The following PALMD variants were observed in gnomAD, a reference collection of about 807,000 sequenced individuals.
PALMD encodes paralemmin-like protein.
PALMD carries 42 observed loss-of-function variants against 56.2 expected under a neutral mutation model. The ratio of observed to expected loss-of-function variants is 0.75; its 90% CI spans 0.58 to 0.97. The LOEUF is 0.97. PALMD is among the 50% of genes least tolerant of loss of function. The pLI is 0.00. For missense variants in PALMD, 660 were observed against 643.8 expected, an observed-to-expected ratio of 1.03 and a Z score of -0.27; for synonymous variants, 242 against 222.9, an observed-to-expected ratio of 1.09 and a Z score of -0.76.
At chr1:99,649,649 C>G (rs912818552) in intron 1 of PALMD, among the ~76,000 whole-genome samples, 3 of 152,184 alleles carry the variant, frequency 2.0e-5, no homozygotes, top group Non-Finnish European at 4.4e-5. Flanking sequence ...TCCGTATACT[C>G]TTAACATCTC....
intron 3 of PALMD, among the ~76,000 whole-genome samples, chr1:99,681,099 G>GTA (rs372930321): frequency 4.7e-4 from 28 of 59,810 alleles, no homozygotes; most frequent in African/African-American, 9.2e-4. Flanking sequence ...ATATGTGTGT[G>GTA]TATATATGTG....
At chr1:99,648,128 A>C (rs1265123670) in intron 1 of PALMD, among the ~76,000 whole-genome samples, 1 of 152,220 alleles carries the variant, frequency 6.6e-6, no homozygotes, top group South Asian at 2.1e-4. Context: ...GATTAAACAA[A>C]TCTCCCAAGT....
intron 1 of PALMD, among the ~76,000 whole-genome samples, chr1:99,650,705 G>A (rs1169941163): frequency 6.6e-6 from 1 of 152,152 alleles, no homozygotes; most frequent in Admixed American, 6.5e-5. Flanking sequence ...ATGTCAAGGT[G>A]GTGACAACAG....
intron 1 of PALMD, among the ~76,000 whole-genome samples, chr1:99,657,412 T>C (rs1185800772): frequency 6.6e-6 from 1 of 152,178 alleles, no homozygotes; most frequent in African/African-American, 2.4e-5. Context: ...TGTCATCAGT[T>C]GCCAAGTCCT....
intron 1 of PALMD, among the ~76,000 whole-genome samples, chr1:99,648,662 A>G (rs990494314): frequency 5.6e-5 from 8 of 142,606 alleles, no homozygotes; most frequent in African/African-American, 1.8e-4. Context: ...CTTTGGAGGA[A>G]AAAAAAAAAA....
intron 1 of PALMD, among the ~76,000 whole-genome samples, chr1:99,659,362 T>G (rs1006433665): frequency 1.3e-5 from 2 of 152,192 alleles, no homozygotes; most frequent in Non-Finnish European, 2.9e-5. Context: ...TGGCTAAAAA[T>G]CTAGGTAAAT....
intron 1 of PALMD, among the ~76,000 whole-genome samples, chr1:99,654,084 A>T (rs1652655716): frequency 1.3e-5 from 2 of 152,052 alleles, no homozygotes; most frequent in African/African-American, 2.4e-5. Flanking sequence ...AAGATAAAAA[A>T]GCATCACCCC....
intron 2 of PALMD, among the ~76,000 whole-genome samples, chr1:99,662,836 C>T (rs1484179456): frequency 2.0e-5 from 3 of 152,166 alleles, no homozygotes; most frequent in Non-Finnish European, 4.4e-5. Context: ...AAGTTCAGTG[C>T]AATGAGTCCA....
At chr1:99,647,601 T>C (rs1217445537) in intron 1 of PALMD, among the ~76,000 whole-genome samples, 1 of 152,242 alleles carries the variant, frequency 6.6e-6, no homozygotes, top group East Asian at 1.9e-4. Flanking sequence ...TTTTGTCCTT[T>C]TTTGTCATTA....
intron 3 of PALMD, among the ~76,000 whole-genome samples, chr1:99,671,072 C>G (rs8179273): frequency 0.069 from 10,569 of 152,236 alleles, 542 homozygotes; most frequent in Admixed American, 0.16. Context: ...GAGACCCACT[C>G]ACAATCCCTA....
At chr1:99,655,218 A>C (rs918771244) in intron 1 of PALMD, among the ~76,000 whole-genome samples, 3 of 152,186 alleles carry the variant, frequency 2.0e-5, no homozygotes, top group African/African-American at 4.8e-5. Flanking sequence ...ATGATGAATC[A>C]AAATAAATTC....
chr1:99,663,306 C>T (rs904979507), intron 2 of PALMD, among the ~76,000 whole-genome samples: 4 of 152,058 alleles, frequency 2.6e-5, no homozygotes, highest in Non-Finnish European at 5.9e-5. Flanking sequence ...TTGACATTTC[C>T]GATGTTTGAT....
intron 7 of PALMD, among the ~76,000 whole-genome samples, chr1:99,692,424 A>G (rs1000811946): frequency 2.6e-5 from 4 of 152,166 alleles, no homozygotes; most frequent in African/African-American, 9.7e-5. Flanking sequence ...ATCAGACAGG[A>G]GCAGAAAATA....
intron 1 of PALMD, among the ~76,000 whole-genome samples, chr1:99,647,163 T>A (rs1180851372): frequency 1.3e-5 from 2 of 152,220 alleles, no homozygotes; most frequent in Non-Finnish European, 2.9e-5. Flanking sequence ...TGGAAATCTG[T>A]GTCACAATCA....
Position 99,689,244 on chromosome 1 carries a change from TC to T in PALMD, c.988del (p.Arg330AspfsTer3). 6.2e-7 allele frequency: 1 copy of T among 1,613,492 alleles called. No homozygotes were observed. The highest frequency in any genetic ancestry group is 8.5e-7 in the Non-Finnish European group (1 of 1,179,808). On this transcript the variant is annotated frameshift_variant, in exon 7 of 8. Transcript: ENST00000263174. LOFTEE classifies it high-confidence loss of function. ...HISPIPPVPHPRSVIQQAEEK... is the reference protein window; with the variant it reads ...HISPIPPVPHXRSVIQQAEEK... ...TCAGTCCCATTCCGCCAGTGCCTCA[TC>T]CCCGATCAGTGATTCAACAAGCAGA...
chr1:99,683,159 A>G (rs977715964), intron 3 of PALMD: 5 of 136,918 alleles, frequency 3.7e-5, no homozygotes, highest in African/African-American at 1.5e-4. Context: ...AGAAAGAAAG[A>G]AAGAAAGAAA....
intron 1 of PALMD, among the ~76,000 whole-genome samples, chr1:99,647,565 C>G (rs1421650549): frequency 6.6e-6 from 1 of 152,136 alleles, no homozygotes; most frequent in Non-Finnish European, 1.5e-5. Flanking sequence ...TTCAGAAAAC[C>G]TTGGTCGGGA....
At chr1:99,657,778 C>T (rs1347664900) in intron 1 of PALMD, among the ~76,000 whole-genome samples, 1 of 152,126 alleles carries the variant, frequency 6.6e-6, no homozygotes, top group Non-Finnish European at 1.5e-5. Context: ...ACTTGCTGTT[C>T]TAAGTAATGT....
chr1:99,646,171 C>CG lies in PALMD; in HGVS notation c.-144dup. 1.5e-6 allele frequency: 1 copy of CG among 672,742 alleles called. No homozygotes were observed. The highest frequency in any genetic ancestry group is 2.4e-5 in the Admixed American group (1 of 42,034). The allele number at this position is 672,742 out of a possible 1,614,324, so 41.7% of individuals were successfully genotyped here. ...CTGCTCGGAGACGCTCCTGACAAGT[C>CG]GGGAATTTCTCTATTTCTCCACTGG... On this transcript the variant is annotated 5_prime_UTR_variant, in exon 1 of 8. Transcript: ENST00000263174.
Sources: allele counts gnomAD v4.1 joint callset (sites outside exome capture counted in the v4.1 genomes callset), GRCh38; gene constraint gnomAD v4.1.1; transcripts MANE v1.5; gene names NCBI Gene and HGNC (gene_info 2026-07-23, HGNC 2026-07-21).